MMP24: variants seen among roughly 807,000 people sequenced by gnomAD.
MMP24 encodes matrix metallopeptidase 24.
Under a neutral mutation model 62.8 loss-of-function variants are expected in MMP24, and 25 were observed. That is an observed-to-expected ratio of 0.40 (90% confidence interval 0.29 to 0.56). The LOEUF (loss-of-function observed/expected upper bound fraction) is 0.56. Among genes scored for constraint, MMP24 ranks in the 20% least tolerant of loss-of-function variants. The pLI is 0.50. For missense variants in MMP24, 634 were observed against 853.6 expected, an observed-to-expected ratio of 0.74 and a Z score of 3.21; for synonymous variants, 319 against 350.5, an observed-to-expected ratio of 0.91 and a Z score of 1.00.
intron 1 of MMP24, among the ~76,000 whole-genome samples, chr20:35,245,912 A>G (rs1007055842): frequency 4.0e-5 from 6 of 151,720 alleles, no homozygotes; most frequent in African/African-American, 1.5e-4. Context: ...CCTACATATT[A>G]ATTTTTATAT....
At chr20:35,249,510 C>T (rs894752072) in intron 2 of MMP24, among the ~76,000 whole-genome samples, 1 of 152,180 alleles carries the variant, frequency 6.6e-6, no homozygotes, top group Non-Finnish European at 1.5e-5. Flanking sequence ...TCCAGTCCTG[C>T]CTTGCTGATT....
intron 1 of MMP24, among the ~76,000 whole-genome samples, chr20:35,240,377 CTG>C (rs944368712): frequency 6.6e-6 from 1 of 151,964 alleles, no homozygotes; most frequent in African/African-American, 2.4e-5. Context: ...TGCTTGCACT[CTG>C]AGATTTTTCT....
In MMP24 at chr20:35,274,758, G is replaced by C. The variant is rs1367358816; in HGVS notation, c.*149G>C. ...CTGAAGTGGTGGGTGCATTGGCCTA[G>C]GCTGAGCGTGGGGCAGGGAATTATG... On this transcript the variant is annotated 3_prime_UTR_variant, in exon 9 of 9. Transcript: ENST00000246186. This position sits in a 1 kb window ranked among gnomAD's most constrained non-coding sequence, Gnocchi z 5.1. The C allele has an allele frequency of 3.4e-5, 24 of 699,698 alleles. No homozygotes were observed. The highest frequency in any genetic ancestry group is 5.4e-5 in the Non-Finnish European group (23 of 426,450). The allele number at this position is 699,698 out of a possible 1,614,324, so 43.3% of individuals were successfully genotyped here.
chr20:35,260,145 CT>C (rs2060594789), intron 4 of MMP24, among the ~76,000 whole-genome samples: 1 of 151,954 alleles, frequency 6.6e-6, no homozygotes, highest in Non-Finnish European at 1.5e-5. Flanking sequence ...CATAGCAGGC[CT>C]CTCCTCCTCA....
At position 35,257,399 on chromosome 20, in the gene MMP24, A is replaced by G. The variant is rs1199263176; in HGVS notation, c.817+2645A>G. On this transcript the variant is annotated intron_variant, in intron 4 of 8. Coordinates refer to ENST00000246186, the MANE Select transcript of MMP24 (RefSeq NM_006690.4). ...CTTATTTTTGGATCGGTGTCAACGA[A>G]TGGCTGTCTGTGCTAACAGATAAGA... Among the ~76,000 whole-genome samples the G allele has an allele frequency of 2.0e-5, 3 of 152,254 alleles. No homozygotes were observed. The East Asian group carries it at 5.8e-4, about 29-fold the overall frequency.
intron 1 of MMP24, among the ~76,000 whole-genome samples, chr20:35,227,605 T>G (rs889328918): frequency 6.6e-6 from 1 of 151,776 alleles, no homozygotes; most frequent in African/African-American, 2.4e-5. Flanking sequence ...TGCTCATCAC[T>G]GGCATGTGCA....
intron 8 of MMP24, among the ~76,000 whole-genome samples, chr20:35,272,787 G>C (rs2060678640): frequency 6.6e-6 from 1 of 152,172 alleles, no homozygotes; most frequent in South Asian, 2.1e-4. Flanking sequence ...CACTCACTAT[G>C]AATCTGAGCA....
At chr20:35,229,971 A>T (rs577114226) in intron 1 of MMP24, among the ~76,000 whole-genome samples, 1 of 151,902 alleles carries the variant, frequency 6.6e-6, no homozygotes, top group African/African-American at 2.4e-5. Context: ...TCATTTATTT[A>T]TTTACTTATT....
At chr20:35,268,826 G>T (rs979273483) in intron 6 of MMP24, among the ~76,000 whole-genome samples, 2 of 152,070 alleles carry the variant, frequency 1.3e-5, no homozygotes, top group Non-Finnish European at 2.9e-5. Context: ...AGGAGATCAA[G>T]ACCATCCTGG....
rs1048556052 is a variant in MMP24 at position 35,260,559 on chromosome 20, C to G, written c.818-3232C>G. Reference sequence around the variant, plus strand: ...ACAGCCAGGACTGGACCCCAGGAAGCAGAGCTGCCTTCCGCTGGCTCTACC... The same window carrying G: ...ACAGCCAGGACTGGACCCCAGGAAGGAGAGCTGCCTTCCGCTGGCTCTACC... On this transcript the variant is annotated intron_variant, in intron 4 of 8. Coordinates refer to ENST00000246186, the MANE Select transcript of MMP24 (RefSeq NM_006690.4). 4.6e-5 allele frequency among the ~76,000 whole-genome samples: 7 copies of G among 152,260 alleles called. No individual in the cohort carries two copies. In the East Asian group the frequency reaches 1.3e-3, roughly 29 times the overall value.
chr20:35,252,140 GC>G, intron 3 of MMP24, 119 bp downstream of exon 3: 1 of 782,266 alleles, frequency 1.3e-6, no homozygotes, highest in Non-Finnish European at 2.1e-6. Flanking sequence ...TACAACATAG[GC>G]CAAGAGCCAG....
At chr20:35,266,294 G>A (rs903563726) in intron 5 of MMP24, among the ~76,000 whole-genome samples, 45 of 147,082 alleles carry the variant, frequency 3.1e-4, no homozygotes, top group Non-Finnish European at 6.1e-4. Flanking sequence ...AGAGGTTGCA[G>A]TGAGCTTAGA....
chr20:35,268,327 C>A (rs1339854959), intron 6 of MMP24, among the ~76,000 whole-genome samples: 1 of 152,234 alleles, frequency 6.6e-6, no homozygotes, highest in Non-Finnish European at 1.5e-5. Flanking sequence ...GGGCAACAAG[C>A]CCTTCTCTGA....
intron 1 of MMP24, among the ~76,000 whole-genome samples, chr20:35,245,426 T>TTA (rs111477763): frequency 0.051 from 7,824 of 152,022 alleles, 656 homozygotes; most frequent in African/African-American, 0.18. Context: ...GTCTCTCTCT[T>TTA]TATATATATA....
chr20:35,244,073 A>G (rs1196389324), intron 1 of MMP24, among the ~76,000 whole-genome samples: 1 of 152,256 alleles, frequency 6.6e-6, no homozygotes, highest in East Asian at 1.9e-4. Context: ...GAAGCAAATA[A>G]TAACTTATTT....
intron 4 of MMP24, among the ~76,000 whole-genome samples, chr20:35,260,582 A>C (rs1056947603): frequency 1.1e-4 from 17 of 152,202 alleles, no homozygotes; most frequent in Admixed American, 2.6e-4. Flanking sequence ...CGCTGGCTCT[A>C]CCAGTTTGTT....
At chr20:35,247,566 C>T (rs899918654) in intron 2 of MMP24, among the ~76,000 whole-genome samples, 1 of 152,166 alleles carries the variant, frequency 6.6e-6, no homozygotes, top group Non-Finnish European at 1.5e-5. Flanking sequence ...AGAAAAAAGC[C>T]ATGAGGATGG....
chr20:35,244,343 C>T (rs1165564109), intron 1 of MMP24, among the ~76,000 whole-genome samples: 2 of 152,146 alleles, frequency 1.3e-5, no homozygotes, highest in Non-Finnish European at 2.9e-5. Context: ...AACAAATACA[C>T]GGATGTTTTC....
intron 1 of MMP24, among the ~76,000 whole-genome samples, chr20:35,245,000 T>C (rs1436311619): frequency 6.6e-6 from 1 of 152,102 alleles, no homozygotes; most frequent in Admixed American, 6.6e-5. Context: ...TTTTCGAGAA[T>C]AGGACAATTT....
Sources: gnomAD v4.1 joint callset for allele counts (sites outside exome capture counted in the v4.1 genomes callset) on GRCh38, gnomAD v4.1.1 for gene constraint, Gnocchi (gnomAD v3.1) non-coding constraint, MANE v1.5 for transcripts, NCBI Gene and HGNC (gene_info 2026-07-23, HGNC 2026-07-21) for gene names.